The following RIC3 variants were observed in gnomAD, a reference collection of about 807,000 sequenced individuals.
The protein encoded by RIC3 is protein RIC-3.
A neutral mutation model predicts 27.3 loss-of-function variants in RIC3; 28 were observed. The observed-to-expected ratio is 1.02, with a 90% CI of 0.76 to 1.41. The LOEUF is 1.41. Among genes scored for constraint, RIC3 ranks in the 40% most tolerant of loss-of-function variants. RIC3 has a pLI of 0.00. For synonymous variants in RIC3, 184 were observed against 160.4 expected (o/e 1.15, Z -1.11); for missense variants, 501 against 444.7 (o/e 1.13, Z -1.14).
intron 1 of RIC3, among the ~76,000 whole-genome samples, chr11:8,157,502 G>A (rs1565119956): frequency 1.3e-5 from 2 of 152,184 alleles, no homozygotes; most frequent in Non-Finnish European, 2.9e-5. Flanking sequence ...TTGCTGCAAT[G>A]AGTAATACAC....
intron 1 of RIC3, chr11:8,153,528 TTACTC>T (rs1284153117): frequency 2.8e-6 from 1 of 358,994 alleles, no homozygotes; most frequent in Non-Finnish European, 5.4e-6. Flanking sequence ...CTATGGCACA[TTACTC>T]TTCTCTTTTT....
At chr11:8,126,904 G>A (rs1379669931) in intron 4 of RIC3, 97 bp from the exon 5 acceptor site, 1 of 1,402,310 alleles carries the variant, frequency 7.1e-7, no homozygotes, top group Non-Finnish European at 1.0e-6. Flanking sequence ...GGAATAGAAA[G>A]TGCAATTGCA....
rs190361009 is a variant in RIC3 at position 8,121,220 on chromosome 11, A to G, written c.670+5439T>C. Reference sequence around the variant, plus strand: ...TGTAGTTAAAATTCCATATAATTTCAACAAAACCTAAAAGGTAGGTAGAGG... The same window carrying G: ...TGTAGTTAAAATTCCATATAATTTCGACAAAACCTAAAAGGTAGGTAGAGG... On this transcript the variant is annotated intron_variant, in intron 5 of 5. Coordinates refer to ENST00000309737, the MANE Select transcript of RIC3 (RefSeq NM_001206671.4). Among the ~76,000 whole-genome samples, 986 of 152,348 alleles carry G rather than the reference A, an allele frequency of 6.5e-3. 22 individuals carry two copies. Among genetic ancestry groups the G allele is most frequent in the Admixed American group, 0.051 (785 of 15,300 alleles).
intron 1 of RIC3, among the ~76,000 whole-genome samples, chr11:8,161,467 T>C (rs78641031): frequency 0.076 from 11,529 of 152,278 alleles, 532 homozygotes; most frequent in Middle Eastern, 0.14. Flanking sequence ...TATTTTAAAA[T>C]GTCTCTTAAA....
chr11:8,160,506 A>G (rs1337164507), intron 1 of RIC3, among the ~76,000 whole-genome samples: 3 of 152,246 alleles, frequency 2.0e-5, no homozygotes, highest in Non-Finnish European at 4.4e-5. Flanking sequence ...ATAAAATGCA[A>G]CAAGGAAAAC....
At chr11:8,095,312 A>T in the RIC3 span, among the ~76,000 whole-genome samples, 1 of 152,224 alleles carries the variant, frequency 6.6e-6, no homozygotes, top group Admixed American at 6.5e-5. Flanking sequence ...TGAAGCCCAC[A>T]TCCCTTACTA....
downstream of RIC3, chr11:8,101,403 G>C (rs935278862): frequency 3.2e-6 from 5 of 1,547,086 alleles, no homozygotes; most frequent in African/African-American, 6.8e-5. Context: ...TCCCTCATGT[G>C]GTTTGGGTGT....
downstream of RIC3, among the ~76,000 whole-genome samples, chr11:8,101,225 C>A (rs80278220): frequency 1.3e-5 from 2 of 152,318 alleles, no homozygotes; most frequent in South Asian, 2.1e-4. Flanking sequence ...GTCTCAGGCA[C>A]GGGAACACCC....
intron 4 of RIC3, among the ~76,000 whole-genome samples, chr11:8,132,396 T>G (rs1947845778): frequency 6.6e-6 from 1 of 152,144 alleles, no homozygotes; most frequent in South Asian, 2.1e-4. Context: ...AGAGTCAAAA[T>G]ATGTGTGTGT....
intron 1 of RIC3, among the ~76,000 whole-genome samples, chr11:8,145,426 C>T (rs186742722): frequency 2.6e-5 from 4 of 152,234 alleles, no homozygotes; most frequent in East Asian, 3.9e-4. Context: ...GGAAGATGGT[C>T]GCCCCAGCCC....
At chr11:8,117,472 G>T (rs553648394) in intron 5 of RIC3, among the ~76,000 whole-genome samples, 1 of 152,304 alleles carries the variant, frequency 6.6e-6, no homozygotes, top group Admixed American at 6.5e-5. Flanking sequence ...GATACAGCGT[G>T]ATTTCACTTA....
intron 1 of RIC3, 91 bp from the exon 2 acceptor site, chr11:8,140,284 AACAC>A: frequency 8.4e-7 from 1 of 1,187,312 alleles, no homozygotes; most frequent in Non-Finnish European, 1.2e-6. Context: ...AAAAGAGGCC[AACAC>A]AAACAAGTAG....
intron 1 of RIC3, among the ~76,000 whole-genome samples, chr11:8,150,063 G>A (rs774713705): frequency 1.3e-5 from 2 of 152,146 alleles, no homozygotes; most frequent in East Asian, 1.9e-4. Context: ...CATGAAGGAC[G>A]TGTTTCTCCT....
At chr11:8,124,971 G>A (rs1331730756) in intron 5 of RIC3, among the ~76,000 whole-genome samples, 1 of 152,060 alleles carries the variant, frequency 6.6e-6, no homozygotes, top group African/African-American at 2.4e-5. Flanking sequence ...CATAAAAAAT[G>A]GGCTGGGCAC....
intron 1 of RIC3, among the ~76,000 whole-genome samples, chr11:8,165,782 G>C (rs201233167): frequency 1.1e-5 from 1 of 87,558 alleles, no homozygotes; most frequent in Non-Finnish European, 2.1e-5. Flanking sequence ...TTTTTGTTTT[G>C]TTTTGTTTTT....
the RIC3 span, chr11:8,100,666 G>C: frequency 6.4e-7 from 1 of 1,564,190 alleles, no homozygotes; most frequent in Non-Finnish European, 8.8e-7. Flanking sequence ...GCTTCTAAGG[G>C]CAGAACTCCA....
chr11:8,100,849 C>G, the RIC3 span: 1 of 1,614,180 alleles, frequency 6.2e-7, no homozygotes, highest in Non-Finnish European at 8.5e-7. Context: ...TGCTAGCACG[C>G]TGGCAGAATA....
intron 1 of RIC3, among the ~76,000 whole-genome samples, chr11:8,145,319 C>T (rs981053938): frequency 1.3e-5 from 2 of 151,796 alleles, no homozygotes; most frequent in Non-Finnish European, 2.9e-5. Flanking sequence ...CTCTCTCCTT[C>T]TCTATGGGGC....
At chr11:8,097,165 A>G in the RIC3 span, 2 of 1,582,438 alleles carry the variant, frequency 1.3e-6, no homozygotes, top group Admixed American at 3.4e-5. Flanking sequence ...TTTGGATCCC[A>G]GACCACCAAT....
Sources: allele counts gnomAD v4.1 joint callset (sites outside exome capture counted in the v4.1 genomes callset), GRCh38; gene constraint gnomAD v4.1.1; transcripts MANE v1.5; gene names NCBI Gene and HGNC (gene_info 2026-07-23, HGNC 2026-07-21).